Variants in NLN observed in about 807,000 individuals in gnomAD.
NLN encodes the protein neurolysin.
Under a neutral mutation model 79.9 loss-of-function variants are expected in NLN, and 64 were observed. The observed-to-expected ratio is 0.80, with a 90% CI of 0.65 to 0.99. NLN has a LOEUF of 0.99. Ranked by LOEUF, NLN falls within the 50% of genes least tolerant of loss-of-function variation. The probability of loss-of-function intolerance (pLI) is 0.00; values close to 1 mark genes in which losing one functional copy is unlikely to be tolerated. For synonymous variants in NLN, 267 were observed against 296.6 expected, an observed-to-expected ratio of 0.90 and a Z score of 1.02; for missense variants, 835 against 858.7, an observed-to-expected ratio of 0.97 and a Z score of 0.34.
intron 6 of NLN, among the ~76,000 whole-genome samples, chr5:65,782,949 A>G (rs1195386902): frequency 1.3e-5 from 2 of 152,160 alleles, no homozygotes. Context: ...CCCAGCCTGC[A>G]ATGTCTGGGT....
intron 9 of NLN, among the ~76,000 whole-genome samples, chr5:65,806,992 C>T (rs1372110955): frequency 6.6e-6 from 1 of 152,030 alleles, no homozygotes; most frequent in Admixed American, 6.5e-5. Context: ...GCCTGGCCAA[C>T]ATGGTGAAAC....
At chr5:65,808,252 A>C (rs1760462696) in intron 9 of NLN, among the ~76,000 whole-genome samples, 1 of 152,208 alleles carries the variant, frequency 6.6e-6, no homozygotes. Flanking sequence ...GATGGCGTTG[A>C]CATCTGTGCC....
intron 1 of NLN, chr5:65,723,160 C>T (rs1284118962): frequency 6.6e-6 from 1 of 152,220 alleles, no homozygotes; most frequent in African/African-American, 2.4e-5. Context: ...TCCAAATCTG[C>T]CCAGAACTGT....
intron 1 of NLN, among the ~76,000 whole-genome samples, chr5:65,757,230 T>G (rs1759238617): frequency 6.6e-6 from 1 of 152,158 alleles, no homozygotes; most frequent in Non-Finnish European, 1.5e-5. Context: ...TTCAATTGCT[T>G]TATTAGAAGA....
Position 65,792,540 on chromosome 5 carries a change from C to T in NLN, c.1412C>T (p.Ala471Val), listed in dbSNP as rs80207006. 2.5e-6 allele frequency: 4 copies of T among 1,612,536 alleles called. No homozygotes were observed. The highest frequency in any genetic ancestry group is 3.4e-6 in the Non-Finnish European group (4 of 1,179,706). The change falls in exon 9 of 13, where the codon GCC (alanine) becomes GTC (valine). Residue 471 changes from alanine to valine, a missense_variant. Physicochemically the swap from Ala to Val is moderately conservative, Grantham distance 64. Coordinates refer to ENST00000380985, the MANE Select transcript of NLN (RefSeq NM_020726.5). ...GGAAGCCGGATGATGGCAGTGGCTG[C>T]CCTCGTGGTGAACTTCTCACAGCCA... ...PDGSRMMAVAALVVNFSQPVA... is the reference protein window; with the variant it reads ...PDGSRMMAVAVLVVNFSQPVA...
rs760873933 is a variant in NLN at position 65,763,080 on chromosome 5, A to G, written c.422A>G (p.Asp141Gly). The G allele has an allele frequency of 3.1e-6, 5 of 1,613,534 alleles. No homozygotes were observed. The South Asian group carries it at 5.5e-5, about 18-fold the overall frequency. The change falls in exon 3 of 13, where the codon GAT becomes GGT. Residue 141 changes from aspartate to glycine, a missense_variant. By Grantham distance (94) the Asp-to-Gly change is moderately conservative (BLOSUM62 -1). Transcript: ENST00000380985. ...GATATTGAGATGAGCATGAGAGGAG[A>G]TATATTTGAGAGAATTGTTCATTTA... ...RFDIEMSMRG[D>G]IFERIVHLQE...
chr5:65,752,488 A>G (rs776645322), intron 1 of NLN, among the ~76,000 whole-genome samples: 17 of 152,226 alleles, frequency 1.1e-4, no homozygotes, highest in Non-Finnish European at 2.4e-4. Flanking sequence ...TGACTTATGT[A>G]GCTCTCACTT....
intron 1 of NLN, among the ~76,000 whole-genome samples, chr5:65,726,051 G>A (rs1579901020): frequency 6.6e-6 from 1 of 150,378 alleles, no homozygotes; most frequent in Admixed American, 6.7e-5. Context: ...GGTGGAGTTT[G>A]CAGTGCGCCG....
intron 9 of NLN, among the ~76,000 whole-genome samples, chr5:65,807,933 A>T (rs775451665): frequency 6.6e-6 from 1 of 152,230 alleles, no homozygotes; most frequent in Non-Finnish European, 1.5e-5. Flanking sequence ...CTAACATAGG[A>T]AAGTCTCAAC....
At chr5:65,730,626 A>G (rs1758584803) in intron 1 of NLN, among the ~76,000 whole-genome samples, 1 of 150,698 alleles carries the variant, frequency 6.6e-6, no homozygotes, top group South Asian at 2.1e-4. Flanking sequence ...GCGCAATCTC[A>G]GCTCACTGCA....
In NLN at chr5:65,722,250, C is replaced by T. The variant is rs901143549; in HGVS notation, c.-124C>T. The T allele has an allele frequency of 1.5e-5, 9 of 592,248 alleles. No individual in the cohort carries two copies. Among genetic ancestry groups the T allele is most frequent in the Non-Finnish European group, 2.4e-5 (9 of 374,692 alleles). The allele number at this position is 592,248 out of a possible 1,614,324, so 36.7% of individuals were successfully genotyped here. A position where few individuals can be genotyped will look rare whatever the true frequency, so the allele number is the denominator to read the frequency against. ...CGCACGTGGGAGGGCGCTGGCCAGG[C>T]AGCCACTGTGGCCTCTGCGGCTAGG... On this transcript the variant is annotated 5_prime_UTR_variant, in exon 1 of 13. Transcript: ENST00000380985.
At chr5:65,782,075 C>CA (rs1210027515) in intron 6 of NLN, among the ~76,000 whole-genome samples, 1 of 152,206 alleles carries the variant, frequency 6.6e-6, no homozygotes, top group African/African-American at 2.4e-5. Context: ...AAGCTCATAG[C>CA]AATTTTCTAA....
chr5:65,796,392 G>A (rs1760174618), intron 9 of NLN, among the ~76,000 whole-genome samples: 1 of 152,152 alleles, frequency 6.6e-6, no homozygotes, highest in Non-Finnish European at 1.5e-5. Flanking sequence ...TTGGTACTCT[G>A]ACATTTTAGA....
intron 1 of NLN, among the ~76,000 whole-genome samples, chr5:65,729,547 T>C (rs1210829480): frequency 6.6e-6 from 1 of 152,046 alleles, no homozygotes; most frequent in Admixed American, 6.5e-5. Flanking sequence ...GCTAATATTT[T>C]GTATTTTTAG....
intron 7 of NLN, among the ~76,000 whole-genome samples, chr5:65,787,134 A>G (rs1370597687): frequency 6.6e-6 from 1 of 151,944 alleles, no homozygotes; most frequent in African/African-American, 2.4e-5. Context: ...TCCTATGCAA[A>G]GTGTCCTCTT....
intron 2 of NLN, among the ~76,000 whole-genome samples, chr5:65,761,913 T>C (rs1759348821): frequency 6.6e-6 from 1 of 152,206 alleles, no homozygotes; most frequent in South Asian, 2.1e-4. Flanking sequence ...TATGGAAATT[T>C]TACTGTTTAT....
chr5:65,731,712 ATTATGTATT>A (rs1405857256), intron 1 of NLN, among the ~76,000 whole-genome samples: 6 of 116,258 alleles, frequency 5.2e-5, no homozygotes, highest in Non-Finnish European at 9.2e-5. Flanking sequence ...CCACCCCAAG[ATTATGTATT>A]TTAAAAATCA....
chr5:65,817,686 T>C (rs1760698767), intron 12 of NLN, among the ~76,000 whole-genome samples: 1 of 152,226 alleles, frequency 6.6e-6, no homozygotes, highest in South Asian at 2.1e-4. Flanking sequence ...AAAGAAATAC[T>C]GAGAAATTCA....
At chr5:65,769,520 A>G (rs184382300) in intron 3 of NLN, among the ~76,000 whole-genome samples, 1 of 152,358 alleles carries the variant, frequency 6.6e-6, no homozygotes, top group African/African-American at 2.4e-5. Flanking sequence ...CCATAAATGT[A>G]TACACCTACC....
Sources: allele counts gnomAD v4.1 joint callset (sites outside exome capture counted in the v4.1 genomes callset), GRCh38; gene constraint gnomAD v4.1.1; transcripts MANE v1.5; gene names NCBI Gene and HGNC (gene_info 2026-07-23, HGNC 2026-07-21).